Variants in DAAM1 observed in about 807,000 individuals in gnomAD.
DAAM1 encodes the protein dishevelled associated activator of morphogenesis 1, also known as disheveled-associated activator of morphogenesis 1.
A neutral mutation model predicts 130.0 loss-of-function variants in DAAM1; 52 were observed. The observed-to-expected ratio is 0.40, with a 90% confidence interval of 0.32 to 0.50. DAAM1 has a LOEUF of 0.50. Ranked by LOEUF, DAAM1 falls within the 20% of genes least tolerant of loss-of-function variation. DAAM1 has a pLI of 0.61. For synonymous variants in DAAM1, 452 were observed against 444.5 expected (o/e 1.02, Z -0.21); for missense variants, 1,134 against 1,303.8 (o/e 0.87, Z 2.01).
rs1885124123 is a variant in DAAM1 at position 59,324,194 on chromosome 14, A to T, written c.841A>T (p.Ile281Phe). The T allele has an allele frequency of 6.8e-7, 1 of 1,465,420 alleles. No individual in the cohort carries two copies. The highest frequency in any genetic ancestry group is 9.1e-7 in the Non-Finnish European group (1 of 1,100,508). 90.8% of individuals were successfully genotyped at this position (1,465,420 alleles called of 1,614,324 possible). ...YRDEVSLKTA[I>F]MSFINAVLSQ... ...AGATGAAGTGAGTCTCAAGACTGCC[A>T]TCATGTCCTTCATTAATGCAGTGCT... The change falls in exon 7 of 25, where the codon ATC becomes TTC. Residue 281 changes from isoleucine (I) to phenylalanine (F), a missense_variant. Ile to Phe is a conservative substitution (Grantham distance 21, BLOSUM62 0). Around this residue, in one of 3 missense-constraint regions of DAAM1, gnomAD observed 391 missense variants for 521.6 expected, o/e 0.75. Transcript: ENST00000360909.
intron 3 of DAAM1, among the ~76,000 whole-genome samples, chr14:59,301,704 C>T (rs577941377): frequency 5.1e-4 from 78 of 152,264 alleles, no homozygotes; most frequent in African/African-American, 1.7e-3. Flanking sequence ...AACTTTATCT[C>T]GAGCATTTCT....
chr14:59,368,518 TC>T (rs1436368517), intron 24 of DAAM1, 131 bp from the exon 25 acceptor site: 26 of 914,678 alleles, frequency 2.8e-5, no homozygotes, highest in Non-Finnish European at 4.2e-5. Context: ...TCTTGTGATA[TC>T]CAAAGGGGGT....
chr14:59,275,783 A>G (rs1331437790), intron 2 of DAAM1, among the ~76,000 whole-genome samples: 2 of 152,304 alleles, frequency 1.3e-5, no homozygotes, highest in African/African-American at 2.4e-5. Context: ...AATTATTTCT[A>G]TTAGTCAGCC....
At chr14:59,295,879 G>A (rs994567227) in intron 3 of DAAM1, among the ~76,000 whole-genome samples, 3 of 152,086 alleles carry the variant, frequency 2.0e-5, no homozygotes, top group Non-Finnish European at 4.4e-5. Context: ...CTTTTACTGT[G>A]GTTGATTAAA....
At chr14:59,243,764 A>G (rs1402400292) in intron 1 of DAAM1, among the ~76,000 whole-genome samples, 1 of 152,110 alleles carries the variant, frequency 6.6e-6, no homozygotes, top group African/African-American at 2.4e-5. Flanking sequence ...GCTGTTTCAT[A>G]TATTTTGCCT....
chr14:59,242,657 C>T (rs1881182257), intron 1 of DAAM1, among the ~76,000 whole-genome samples: 1 of 152,116 alleles, frequency 6.6e-6, no homozygotes, highest in Admixed American at 6.5e-5. Context: ...CTCCCGGGTT[C>T]ACGCCATTCT....
intron 1 of DAAM1, among the ~76,000 whole-genome samples, chr14:59,254,285 G>A (rs572315229): frequency 3.3e-5 from 5 of 152,252 alleles, no homozygotes; most frequent in African/African-American, 1.2e-4. Context: ...CTTAGTCTCA[G>A]ATTTTTGAAA....
intron 23 of DAAM1, among the ~76,000 whole-genome samples, chr14:59,366,487 A>G (rs1014982477): frequency 2.0e-5 from 3 of 152,210 alleles, no homozygotes; most frequent in African/African-American, 7.2e-5. Flanking sequence ...ACTACTTCAA[A>G]GACAAGTTAA....
chr14:59,279,774 CA>C (rs1883128877), intron 2 of DAAM1, among the ~76,000 whole-genome samples: 1 of 151,814 alleles, frequency 6.6e-6, no homozygotes, highest in Non-Finnish European at 1.5e-5. Context: ...ACGTGGTGAT[CA>C]AAATATTAAC....
chr14:59,225,843 T>C (rs903714810), intron 1 of DAAM1, among the ~76,000 whole-genome samples: 1 of 152,198 alleles, frequency 6.6e-6, no homozygotes, highest in Non-Finnish European at 1.5e-5. Flanking sequence ...AAATAGTACA[T>C]GGAATCACTT....
chr14:59,286,930 C>T (rs551584386), intron 2 of DAAM1, among the ~76,000 whole-genome samples: 1 of 152,104 alleles, frequency 6.6e-6, no homozygotes, highest in South Asian at 2.1e-4. Context: ...CTCCCTAACT[C>T]TCTAAAACCA....
intron 1 of DAAM1, among the ~76,000 whole-genome samples, chr14:59,205,816 C>T (rs532571700): frequency 6.6e-6 from 1 of 152,106 alleles, no homozygotes; most frequent in African/African-American, 2.4e-5. Flanking sequence ...GGAAAAGATA[C>T]CCTTGGGATG....
chr14:59,325,233 G>A (rs1002790516), intron 8 of DAAM1, among the ~76,000 whole-genome samples: 3 of 151,968 alleles, frequency 2.0e-5, no homozygotes, highest in African/African-American at 7.3e-5. Context: ...ATGTATCCTG[G>A]GTGTGTAGAA....
At chr14:59,343,490 G>A (rs1036800020) in intron 16 of DAAM1, among the ~76,000 whole-genome samples, 2 of 137,292 alleles carry the variant, frequency 1.5e-5, no homozygotes, top group Non-Finnish European at 3.4e-5. Flanking sequence ...CCCAGAGACT[G>A]GTGAACTTCT....
chr14:59,291,410 C>G lies in DAAM1; in HGVS notation c.273+104C>G, dbSNP rs1175733946. The G allele has an allele frequency of 7.7e-6, 7 of 909,068 alleles. No homozygotes were observed. The East Asian group carries it at 1.6e-4, about 21-fold the overall frequency. The allele number at this position is 909,068 out of a possible 1,614,324, so 56.3% of individuals were successfully genotyped here. On this transcript the variant is annotated intron_variant, in intron 3 of 24. Coordinates refer to ENST00000360909, the MANE Select transcript of DAAM1 (RefSeq NM_001270520.2). ...TGGACAGCTCTTTGTAATATGAAAA[C>G]CAGATTGAATGTGTTATGTTGTGGC...
intron 2 of DAAM1, among the ~76,000 whole-genome samples, chr14:59,267,901 CCTT>C (rs1205807033): frequency 5.6e-5 from 5 of 88,850 alleles, no homozygotes; most frequent in East Asian, 6.8e-4. Context: ...TACGCCCCCC[CCTT>C]TTTTTTTTTT....
chr14:59,281,711 A>G (rs1883228694), intron 2 of DAAM1, among the ~76,000 whole-genome samples: 1 of 152,096 alleles, frequency 6.6e-6, no homozygotes, highest in Non-Finnish European at 1.5e-5. Flanking sequence ...TCTGTTATTC[A>G]TCTTTGTATT....
chr14:59,296,918 A>C (rs777943141), intron 3 of DAAM1, among the ~76,000 whole-genome samples: 38 of 152,360 alleles, frequency 2.5e-4, no homozygotes, highest in Admixed American at 5.2e-4. Context: ...TTGAACAATG[A>C]AGTCAGTGCA....
intron 24 of DAAM1, among the ~76,000 whole-genome samples, chr14:59,368,196 G>A (rs1886999845): frequency 6.6e-6 from 1 of 152,122 alleles, no homozygotes; most frequent in Admixed American, 6.5e-5. Flanking sequence ...GTATGTATTA[G>A]TTGGCTTTTA....
Sources: allele counts gnomAD v4.1 joint callset (sites outside exome capture counted in the v4.1 genomes callset), GRCh38; gene constraint gnomAD v4.1.1; regional missense constraint gnomAD v4.1.1; transcripts MANE v1.5; gene names NCBI Gene and HGNC (gene_info 2026-07-23, HGNC 2026-07-21).